The following OR10G4 variants were observed in gnomAD, a reference collection of about 807,000 sequenced individuals.
OR10G4 encodes olfactory receptor 10G4.
For synonymous variants in OR10G4, 130 were observed against 159.3 expected, an observed-to-expected ratio of 0.82 and a Z score of 1.39; for missense variants, 318 against 388.8, an observed-to-expected ratio of 0.82 and a Z score of 1.53.
At chr11:124,013,303 T>C (rs1242241194) in intron 1 of OR10G4, among the ~76,000 whole-genome samples, 191 bp downstream of exon 1, 1 of 152,194 alleles carries the variant, frequency 6.6e-6, no homozygotes, top group Non-Finnish European at 1.5e-5. Context: ...TCATCAGGGA[T>C]AGTCAAGGCA....
rs1474003154 is a variant in OR10G4, at chr11:124,017,869, A to G, written c.*1359A>G. ...ACTTATGGCAAAGCTCTAGTAACTC[A>G]GAGAGTGTTGCATTTGTATGAGACT... On this transcript the variant is annotated 3_prime_UTR_variant, in exon 2 of 2. Coordinates refer to ENST00000641722, the MANE Select transcript of OR10G4 (RefSeq NM_001004462.2). 6.6e-6 allele frequency: 1 copy of G among 152,226 alleles called. No homozygotes were observed. Among genetic ancestry groups the G allele is most frequent in the Non-Finnish European group, 1.5e-5 (1 of 68,036 alleles). The allele number at this position is 152,226 out of a possible 1,614,324, so 9.4% of individuals were successfully genotyped here.
chr11:124,015,179 CATTG>C (rs1864004263), intron 1 of OR10G4: 2 of 242,272 alleles, frequency 8.3e-6, no homozygotes, highest in Non-Finnish European at 1.6e-5. Flanking sequence ...TCTGGGGACA[CATTG>C]ATTGAGACCT....
intron 1 of OR10G4, among the ~76,000 whole-genome samples, chr11:124,013,920 A>G (rs1048553387): frequency 6.6e-6 from 1 of 152,154 alleles, no homozygotes; most frequent in Non-Finnish European, 1.5e-5. Context: ...GGAGGGGAAG[A>G]TCATGGGGGG....
rs1471100960 is a variant in OR10G4 at position 124,017,422 on chromosome 11, A to G, written c.*912A>G. 6.6e-6 allele frequency: 1 copy of G among 152,224 alleles called. No homozygotes were observed. Among genetic ancestry groups the G allele is most frequent in the African/African-American group, 2.4e-5 (1 of 41,452 alleles). The allele number at this position is 152,224 out of a possible 1,614,324, so 9.4% of individuals were successfully genotyped here. A position where few individuals can be genotyped will look rare whatever the true frequency, so the allele number is the denominator to read the frequency against. On this transcript the variant is annotated 3_prime_UTR_variant, in exon 2 of 2. Coordinates refer to ENST00000641722, the MANE Select transcript of OR10G4 (RefSeq NM_001004462.2). ...TTGCTTGTCACAGGCACTGGCGTCTATTGGCTATAGGTCAGGAGTGTTAAA... is the reference window on the plus strand; with the variant it reads ...TTGCTTGTCACAGGCACTGGCGTCTGTTGGCTATAGGTCAGGAGTGTTAAA...
chr11:124,015,639 A>G lies in OR10G4; in HGVS notation c.65A>G (p.Asp22Gly), dbSNP rs771911510. The change falls in exon 2 of 2, where the codon GAC becomes GGC. Residue 22 changes from aspartate to glycine, a missense_variant. By Grantham distance (94) the Asp-to-Gly change is moderately conservative. Coordinates refer to ENST00000641722, the MANE Select transcript of OR10G4 (RefSeq NM_001004462.2). ...LTGLPHAPGL[D>G]ALLFGIFLVV... ...GGCCTTCCCCATGCCCCAGGGCTGG[A>G]CGCCCTCCTCTTTGGAATCTTCCTG... 5.6e-6 allele frequency: 9 copies of G among 1,604,818 alleles called. No individual in the cohort carries two copies. In the East Asian group the frequency reaches 1.1e-4, roughly 20 times the overall value.
Position 124,016,509 on chromosome 11 carries a change from A to T in OR10G4, c.935A>T (p.Ter312LeuextTer17). ...AAAGTAGCACATCCTCAGAGGAAAT[A>T]AATACTAGGAAGTAAATACACTAGT... ...RDKVAHPQRK[*>L] The change falls in exon 2 of 2, where the codon TAA (stop) becomes TTA (leucine). Residue 312 changes from the stop codon to leucine (L), a stop_lost. Transcript: ENST00000641722. 1 of 1,564,414 alleles carries T rather than the reference A, an allele frequency of 6.4e-7. No individual in the cohort carries two copies. The highest frequency in any genetic ancestry group is 8.6e-7 in the Non-Finnish European group (1 of 1,158,260).
rs1864029288 is a variant in OR10G4, at chr11:124,017,270, C to T, written c.*760C>T. ...AACTACATATATAATTGTTTACGCACTTTATACATTTGCACCCATTTTTAA... is the reference window on the plus strand; with the variant it reads ...AACTACATATATAATTGTTTACGCATTTTATACATTTGCACCCATTTTTAA... On this transcript the variant is annotated 3_prime_UTR_variant, in exon 2 of 2. Coordinates refer to ENST00000641722, the MANE Select transcript of OR10G4 (RefSeq NM_001004462.2). 6.6e-6 allele frequency: 1 copy of T among 152,250 alleles called. No individual in the cohort carries two copies. The highest frequency in any genetic ancestry group is 2.1e-4 in the South Asian group (1 of 4,824). 9.4% of individuals were successfully genotyped at this position (152,250 alleles called of 1,614,324 possible).
rs372372573 is a variant in OR10G4, at chr11:124,016,335, G to A, written c.761G>A (p.Cys254Tyr). 32 of 1,614,030 alleles carry A rather than the reference G, an allele frequency of 2.0e-5. No homozygotes were observed. In the African/African-American group the frequency reaches 3.7e-4, roughly 19 times the overall value. The change falls in exon 2 of 2, where the codon TGT becomes TAT. Residue 254 changes from cysteine to tyrosine, a missense_variant. Physicochemically the swap from Cys to Tyr is radical, Grantham distance 194. Transcript: ENST00000641722. ...CIVVLCFFVPCVVIYLRPGSM... is the reference protein window; with the variant it reads ...CIVVLCFFVPYVVIYLRPGSM... ...GTGGTCCTTTGCTTCTTTGTTCCCT[G>A]TGTTGTCATTTATCTGAGGCCAGGC...
In OR10G4 at chr11:124,016,119, C is replaced by T; in HGVS notation, c.545C>T (p.Pro182Leu). The T allele has an allele frequency of 1.9e-6, 3 of 1,613,946 alleles. No homozygotes were observed. In the South Asian group the frequency reaches 3.3e-5, roughly 18 times the overall value. ...QIQHYFCDAP[P>L]ILKLACADTS... ...CAGCACTACTTCTGTGACGCACCGCCCATCCTGAAACTGGCCTGTGCAGAC... is the reference window on the plus strand; with the variant it reads ...CAGCACTACTTCTGTGACGCACCGCTCATCCTGAAACTGGCCTGTGCAGAC... The change falls in exon 2 of 2, where the codon CCC becomes CTC. Residue 182 changes from proline (P) to leucine (L), a missense_variant. Coordinates refer to ENST00000641722, the MANE Select transcript of OR10G4 (RefSeq NM_001004462.2).
intron 1 of OR10G4, 149 bp downstream of exon 1, chr11:124,013,261 AT>A (rs1440643429): frequency 6.6e-6 from 1 of 152,216 alleles, no homozygotes; most frequent in African/African-American, 2.4e-5. Context: ...GAGTGATGTA[AT>A]TGAGGTTATA....
intron 1 of OR10G4, 146 bp from the exon 2 acceptor site, chr11:124,015,402 C>T: frequency 1.3e-6 from 1 of 769,378 alleles, no homozygotes; most frequent in Non-Finnish European, 2.1e-6. Context: ...ATAATTTCAT[C>T]ATCATCTCTG....
Position 124,017,202 on chromosome 11 carries a change from A to T in OR10G4, c.*692A>T, listed in dbSNP as rs1376625958. On this transcript the variant is annotated 3_prime_UTR_variant, in exon 2 of 2. Transcript: ENST00000641722. ...TGAATCAATTAGAAATTGTATACTC[A>T]CAGAATAGATTACTATCCAGCAATG... 6.6e-6 allele frequency: 1 copy of T among 152,234 alleles called. No individual in the cohort carries two copies. The highest frequency in any genetic ancestry group is 1.9e-4 in the East Asian group (1 of 5,198). 9.4% of individuals were successfully genotyped at this position (152,234 alleles called of 1,614,324 possible).
In OR10G4 at chr11:124,018,092, G is replaced by A. The variant is rs1864035887; in HGVS notation, c.*1582G>A. 2 of 152,146 alleles carry A rather than the reference G, an allele frequency of 1.3e-5. No individual in the cohort carries two copies. The highest frequency in any genetic ancestry group is 4.1e-4 in the South Asian group (2 of 4,828). 9.4% of individuals were successfully genotyped at this position (152,146 alleles called of 1,614,324 possible). On this transcript the variant is annotated 3_prime_UTR_variant, in exon 2 of 2. Coordinates refer to ENST00000641722, the MANE Select transcript of OR10G4 (RefSeq NM_001004462.2). ...TATACACATAAAAAACTCAATTATA[G>A]TAGATAAGAGATATAAATGTGGTGG...
In OR10G4 at chr11:124,016,290, C is replaced by T; in HGVS notation, c.716C>T (p.Thr239Ile). 1 of 1,614,190 alleles carries T rather than the reference C, an allele frequency of 6.2e-7. No individual in the cohort carries two copies. The highest frequency in any genetic ancestry group is 8.5e-7 in the Non-Finnish European group (1 of 1,180,034). ...GATGGGAGGCGCAGAGCCTTTCAGACCTGTGCCTCCCACTGTATTGTGGTC... is the reference window on the plus strand; with the variant it reads ...GATGGGAGGCGCAGAGCCTTTCAGATCTGTGCCTCCCACTGTATTGTGGTC... Reference protein sequence around the residue: ...TSDGRRRAFQTCASHCIVVLC... With the variant: ...TSDGRRRAFQICASHCIVVLC... Residue 239 changes from threonine (T) to isoleucine (I), a missense_variant, in exon 2 of 2, where the codon ACC (threonine) becomes ATC (isoleucine). Coordinates refer to ENST00000641722, the MANE Select transcript of OR10G4 (RefSeq NM_001004462.2).
At chr11:124,013,220 T>C (rs994394193) in intron 1 of OR10G4, 108 bp downstream of exon 1, 2 of 152,212 alleles carry the variant, frequency 1.3e-5, no homozygotes, top group African/African-American at 2.4e-5. Flanking sequence ...TTAGAATGTG[T>C]TCTAAAATTG....
Position 124,016,799 on chromosome 11 carries a change from T to G in OR10G4, c.*289T>G, listed in dbSNP as rs1490481842. On this transcript the variant is annotated 3_prime_UTR_variant, in exon 2 of 2. Transcript: ENST00000641722. ...CTCAGGGATAGATGATTAATTCATG[T>G]TTATAAATTGATAAACGGTTTTTGT... 1.8e-5 allele frequency: 4 copies of G among 219,320 alleles called. No individual in the cohort carries two copies. Among genetic ancestry groups the G allele is most frequent in the Non-Finnish European group, 2.7e-5 (3 of 111,946 alleles). 13.6% of individuals were successfully genotyped at this position (219,320 alleles called of 1,614,324 possible). A position where few individuals can be genotyped will look rare whatever the true frequency, so the allele number is the denominator to read the frequency against.
intron 1 of OR10G4, 27 bp downstream of exon 1, chr11:124,013,139 A>ACTT (rs1407090676): frequency 1.3e-5 from 2 of 152,218 alleles, no homozygotes; most frequent in Non-Finnish European, 2.9e-5. Context: ...GCAGATTTAA[A>ACTT]CTTATTTTCT....
At position 124,016,659 on chromosome 11, in the gene OR10G4, A is replaced by T. The variant is rs910598160; in HGVS notation, c.*149A>T. 5.4e-6 allele frequency: 3 copies of T among 554,728 alleles called. No homozygotes were observed. In the South Asian group the frequency reaches 1.0e-4, roughly 19 times the overall value. 34.4% of individuals were successfully genotyped at this position (554,728 alleles called of 1,614,324 possible). ...AATTCTTCCACAGATTGTCTAAGAC[A>T]GTTTTAACCTCACAGCTAGACTTAT... On this transcript the variant is annotated 3_prime_UTR_variant, in exon 2 of 2. Coordinates refer to ENST00000641722, the MANE Select transcript of OR10G4 (RefSeq NM_001004462.2).
chr11:124,013,615 A>C (rs1465536191), intron 1 of OR10G4, among the ~76,000 whole-genome samples: 2 of 152,176 alleles, frequency 1.3e-5, no homozygotes, highest in African/African-American at 4.8e-5. Context: ...GGGTTCTGTA[A>C]ACTGCAGATA....
Sources: gnomAD v4.1 joint callset for allele counts (sites outside exome capture counted in the v4.1 genomes callset) on GRCh38, gnomAD v4.1.1 for gene constraint, MANE v1.5 for transcripts, NCBI Gene and HGNC (gene_info 2026-07-23, HGNC 2026-07-21) for gene names.